Variants in MID1 observed in about 807,000 individuals in gnomAD.
MID1 encodes midline 1.
Under a neutral mutation model 40.4 loss-of-function variants are expected in MID1, and 7 were observed. The observed-to-expected ratio is 0.17, with a 90% CI of 0.10 to 0.33. The LOEUF (loss-of-function observed/expected upper bound fraction) is 0.33. MID1 is among the 10% of genes least tolerant of loss of function. MID1 has a pLI of 1.00. For synonymous variants in MID1, 229 were observed against 221.2 expected (o/e 1.04, Z -0.31); for missense variants, 367 against 558.5 (o/e 0.66, Z 3.46).
intron 1 of MID1, among the ~76,000 whole-genome samples, chrX:10,765,466 G>A (rs918497150): frequency 1.2e-4 from 13 of 112,558 alleles, no homozygotes; most frequent in Admixed American, 1.9e-4. Flanking sequence ...GATTTATCAT[G>A]TAGCATGCGA....
chrX:10,557,042 C>T (rs191270906), intron 2 of MID1, among the ~76,000 whole-genome samples: 9 of 111,648 alleles, frequency 8.1e-5, no homozygotes, highest in African/African-American at 2.6e-4. Flanking sequence ...ACCACAATTC[C>T]TTTGTTTCCT....
intron 1 of MID1, among the ~76,000 whole-genome samples, chrX:10,825,201 A>G (rs1334239459): frequency 8.9e-6 from 1 of 112,052 alleles, no homozygotes; most frequent in Non-Finnish European, 1.9e-5. Context: ...AGGCAAGAAG[A>G]TATAAATTTT....
chrX:10,634,733 A>C (rs902889383), intron 1 of MID1, among the ~76,000 whole-genome samples: 3 of 112,180 alleles, frequency 2.7e-5, no homozygotes, highest in African/African-American at 9.7e-5. Context: ...AAGGAAAAGC[A>C]AGTAAGACGA....
intron 1 of MID1, among the ~76,000 whole-genome samples, chrX:10,582,435 GAC>G (rs1935040753): frequency 8.9e-6 from 1 of 111,946 alleles, no homozygotes; most frequent in Non-Finnish European, 1.9e-5. Flanking sequence ...TTTCCTAATA[GAC>G]ACAATTCTTA....
At chrX:10,474,882 T>C in intron 5 of MID1, 132 bp from the exon 6 acceptor site, 1 of 588,193 alleles carries the variant, frequency 1.7e-6, no homozygotes, top group African/African-American at 2.2e-5. Context: ...TTAAGAGGCA[T>C]CTCAAAATGT....
At position 10,533,378 on chromosome X, in the gene MID1, A is replaced by G. The variant is rs75651427; in HGVS notation, c.661-10191T>C. Among the ~76,000 whole-genome samples, 435 of 56,386 alleles carry G rather than the reference A, an allele frequency of 7.7e-3. 1 individual carries two copies. The highest frequency in any genetic ancestry group is 0.016 in the Middle Eastern group (2 of 128). The allele number at this position is 56,386 out of a possible 115,157, so 49.0% of individuals were successfully genotyped here. On this transcript the variant is annotated intron_variant, in intron 2 of 9. Coordinates refer to ENST00000317552, the MANE Select transcript of MID1 (RefSeq NM_000381.4). ...AAAGAAAGAAAGAAAGAAAGAAAGA[A>G]AAAGAAAGAAAGAAAAGAAAGAAAG...
Position 10,446,241 on chromosome X carries a change from T to C in MID1, c.*3127A>G, listed in dbSNP as rs1360703765. On this transcript the variant is annotated 3_prime_UTR_variant, in exon 10 of 10. Transcript: ENST00000317552. ...TACCATTTTATTAAGATAGACCAGA[T>C]GGTCAACTTCCCAACACCAAATGCA... The C allele has an allele frequency of 1.8e-5, 2 of 111,761 alleles. No homozygotes were observed. The highest frequency in any genetic ancestry group is 6.5e-5 in the African/African-American group (2 of 30,768). The allele number at this position is 111,761 out of a possible 1,213,427, so 9.2% of individuals were successfully genotyped here. A position where few individuals can be genotyped will look rare whatever the true frequency, so the allele number is the denominator to read the frequency against.
intron 1 of MID1, among the ~76,000 whole-genome samples, chrX:10,569,918 T>C (rs772739144): frequency 1.8e-5 from 2 of 112,138 alleles, no homozygotes; most frequent in South Asian, 3.7e-4. Context: ...TCATCTCTTA[T>C]GTGGACTATC....
chrX:10,626,630 G>A (rs1026553856), intron 1 of MID1, among the ~76,000 whole-genome samples: 13 of 111,869 alleles, frequency 1.2e-4, no homozygotes, highest in Non-Finnish European at 1.9e-4. Flanking sequence ...TGGTTGCAAT[G>A]TCTGAGGGAC....
intron 1 of MID1, among the ~76,000 whole-genome samples, chrX:10,583,814 C>T (rs1017601985): frequency 4.5e-5 from 5 of 110,795 alleles, no homozygotes; most frequent in South Asian, 3.8e-4. Context: ...GGGTGGATCA[C>T]GACATTAGGA....
At chrX:10,699,685 C>CAA (rs1569149777) in intron 1 of MID1, among the ~76,000 whole-genome samples, 1 of 112,024 alleles carries the variant, frequency 8.9e-6, no homozygotes, top group Non-Finnish European at 1.9e-5. Flanking sequence ...AATTTCTGGA[C>CAA]ATCACAGAGT....
intron 5 of MID1, among the ~76,000 whole-genome samples, chrX:10,479,202 A>G (rs957603501): frequency 2.7e-5 from 3 of 111,973 alleles, no homozygotes; most frequent in African/African-American, 9.7e-5. Context: ...ATTAGTAAAA[A>G]CAATTCTTTT....
chrX:10,748,310 T>C (rs2043574583), intron 1 of MID1, among the ~76,000 whole-genome samples: 1 of 111,709 alleles, frequency 9.0e-6, no homozygotes, highest in Non-Finnish European at 1.9e-5. Flanking sequence ...TAGAGAACAA[T>C]TAAATGTGAA....
At chrX:10,613,732 T>TATATATATATAGAGAGAGAG (rs1482081086) in intron 1 of MID1, among the ~76,000 whole-genome samples, 1 of 17,482 alleles carries the variant, frequency 5.7e-5, no homozygotes, top group Non-Finnish European at 1.1e-4. Context: ...TATATATATA[T>TATATATATATAGAGAGAGAG]AGAGAGAGAG....
intron 1 of MID1, among the ~76,000 whole-genome samples, chrX:10,701,131 G>A (rs2043191450): frequency 8.9e-6 from 1 of 111,903 alleles, no homozygotes; most frequent in South Asian, 3.7e-4. Flanking sequence ...CGCTGTTGAT[G>A]CAAGCAAAGG....
At chrX:10,672,774 T>C (rs1369810306) in intron 1 of MID1, among the ~76,000 whole-genome samples, 2 of 111,254 alleles carry the variant, frequency 1.8e-5, no homozygotes, top group Non-Finnish European at 3.8e-5. Flanking sequence ...AGCCTCAAAC[T>C]CCTGGCCTCA....
At chrX:10,465,216 C>CACACACACACACACATACAT (rs1929306988) in intron 7 of MID1, among the ~76,000 whole-genome samples, 2 of 41,241 alleles carry the variant, frequency 4.8e-5, no homozygotes, top group African/African-American at 1.9e-4. Flanking sequence ...TATATATATA[C>CACACACACACACACATACAT]ACACACACAC....
At chrX:10,826,788 C>T (rs1297576967) in intron 1 of MID1, among the ~76,000 whole-genome samples, 1 of 112,601 alleles carries the variant, frequency 8.9e-6, no homozygotes, top group Admixed American at 9.4e-5. Context: ...GTCTCCTACA[C>T]TTGACTGTTA....
In MID1 at chrX:10,735,910, G is replaced by T. The variant is rs755469359; in HGVS notation, c.-187+97644C>A. ...GTCTCCCAAAGTGCTGGGATTACAG[G>T]CATTAGCCACTGCACCAGCCTATAT... On this transcript the variant is annotated intron_variant, in intron 1 of 10. Transcript: ENST00000380785. Among the ~76,000 whole-genome samples, 32 of 111,099 alleles carry T rather than the reference G, an allele frequency of 2.9e-4. No homozygotes were observed. In the Admixed American group the frequency reaches 3.1e-3, roughly 11 times the overall value.
Sources: gnomAD v4.1 joint callset for allele counts (sites outside exome capture counted in the v4.1 genomes callset) on GRCh38, gnomAD v4.1.1 for gene constraint, MANE v1.5 for transcripts, NCBI Gene and HGNC (gene_info 2026-07-23, HGNC 2026-07-21) for gene names.